The following SLC7A1 variants were observed in gnomAD, a reference collection of about 807,000 sequenced individuals.
SLC7A1 encodes solute carrier family 7 member 1.
In SLC7A1, 10 loss-of-function variants were observed where a neutral mutation model predicts 53.9. That is an observed-to-expected ratio of 0.19 (90% CI 0.11 to 0.31). The LOEUF is 0.31. Among genes scored for constraint, SLC7A1 ranks in the 10% least tolerant of loss-of-function variants. SLC7A1 has a pLI of 1.00. For synonymous variants in SLC7A1, 342 were observed against 338.7 expected, an observed-to-expected ratio of 1.01 and a Z score of -0.11; for missense variants, 525 against 827.2, an observed-to-expected ratio of 0.63 and a Z score of 4.48.
At chr13:29,567,433 G>A (rs2139161391) in intron 1 of SLC7A1, among the ~76,000 whole-genome samples, 1 of 152,278 alleles carries the variant, frequency 6.6e-6, no homozygotes, top group Admixed American at 6.5e-5. Context: ...TATTTCCTAA[G>A]GCCATCAGGG....
At chr13:29,585,960 G>A (rs1871861675) in intron 1 of SLC7A1, among the ~76,000 whole-genome samples, 1 of 152,194 alleles carries the variant, frequency 6.6e-6, no homozygotes, top group Admixed American at 6.5e-5. Flanking sequence ...GAAACCCTGG[G>A]CAAACCAGGC....
In SLC7A1 at chr13:29,536,069, G is replaced by A. The variant is rs201700894; in HGVS notation, c.120C>T (p.Leu40=). The A allele has an allele frequency of 1.2e-5, 19 of 1,613,926 alleles. No individual in the cohort carries two copies. In the African/African-American group the frequency reaches 1.3e-4, roughly 11 times the overall value. ...CAGCACCCAGTGTGCTGCCCACCCC[G>A]AGGGCCACCAGATCAAAAGTGTTCA... ...RCLNTFDLVA[L]GVGSTLGAGV... is the part of the protein sequence containing the mutation. The change falls in exon 3 of 13, where the codon CTC becomes CTT. Residue 40 remains leucine (L), a synonymous_variant. Transcript: ENST00000380752.
intron 12 of SLC7A1, among the ~76,000 whole-genome samples, chr13:29,514,869 G>A (rs961498602): frequency 5.3e-5 from 8 of 152,152 alleles, no homozygotes; most frequent in African/African-American, 1.7e-4. Flanking sequence ...GCCACCAGAG[G>A]CCATCGGGTC....
chr13:29,584,647 G>A (rs1489072751), intron 1 of SLC7A1, among the ~76,000 whole-genome samples: 1 of 151,900 alleles, frequency 6.6e-6, no homozygotes, highest in African/African-American at 2.4e-5. Context: ...CCTTTGTTAG[G>A]CAGAGTCAAT....
intron 5 of SLC7A1, among the ~76,000 whole-genome samples, chr13:29,525,120 C>T (rs561970797): frequency 8.5e-5 from 13 of 152,312 alleles, no homozygotes; most frequent in African/African-American, 2.9e-4. Flanking sequence ...CAGGCGGCTT[C>T]CCTGGCCACT....
intron 1 of SLC7A1, among the ~76,000 whole-genome samples, chr13:29,587,368 C>G (rs771492948): frequency 2.0e-5 from 3 of 152,208 alleles, no homozygotes; most frequent in Non-Finnish European, 4.4e-5. Context: ...TCACTACCTG[C>G]ACCAGTTTTA....
intron 1 of SLC7A1, among the ~76,000 whole-genome samples, chr13:29,567,002 C>T (rs145332844): frequency 6.6e-6 from 1 of 152,296 alleles, no homozygotes; most frequent in Non-Finnish European, 1.5e-5. Flanking sequence ...AAGAGGCTCT[C>T]CACTCTACTT....
rs774338208 is a variant in SLC7A1 at position 29,514,183 on chromosome 13, C to T, written c.*297G>A. 1.3e-5 allele frequency: 5 copies of T among 395,918 alleles called. No homozygotes were observed. Among genetic ancestry groups the T allele is most frequent in the Admixed American group, 3.9e-5 (1 of 25,388 alleles). The allele number at this position is 395,918 out of a possible 1,614,324, so 24.5% of individuals were successfully genotyped here. A position where few individuals can be genotyped will look rare whatever the true frequency, so the allele number is the denominator to read the frequency against. On this transcript the variant is annotated 3_prime_UTR_variant, in exon 13 of 13. Coordinates refer to ENST00000380752, the MANE Select transcript of SLC7A1 (RefSeq NM_003045.5). ...CGTTCTGCCTGAGGCTGCGGCAGCTCGGGGCTGAGCTGGTAGGGGAGGAAC... is the reference window on the plus strand; with the variant it reads ...CGTTCTGCCTGAGGCTGCGGCAGCTTGGGGCTGAGCTGGTAGGGGAGGAAC...
At chr13:29,560,848 G>A (rs567162607) in intron 1 of SLC7A1, among the ~76,000 whole-genome samples, 14 of 152,092 alleles carry the variant, frequency 9.2e-5, no homozygotes, top group East Asian at 1.9e-4. Flanking sequence ...GAGAAAATCC[G>A]GGCATAAAAT....
intron 1 of SLC7A1, among the ~76,000 whole-genome samples, chr13:29,588,521 TG>T (rs1296575558): frequency 6.6e-6 from 1 of 150,996 alleles, no homozygotes; most frequent in East Asian, 1.9e-4. Flanking sequence ...TTTTTTTTTT[TG>T]AGACAGTATC....
intron 1 of SLC7A1, among the ~76,000 whole-genome samples, chr13:29,588,181 C>T (rs564208049): frequency 2.3e-4 from 35 of 152,270 alleles, no homozygotes; most frequent in South Asian, 1.7e-3. Flanking sequence ...ATTATGTGGA[C>T]GACTGCAAGT....
intron 2 of SLC7A1, among the ~76,000 whole-genome samples, chr13:29,538,350 CTAGAGT>C (rs1233378486): frequency 1.3e-5 from 2 of 152,058 alleles, no homozygotes; most frequent in African/African-American, 4.8e-5. Context: ...AAATCAGAAC[CTAGAGT>C]TTGAGAAGAG....
chr13:29,539,658 C>A (rs907945888), intron 2 of SLC7A1, among the ~76,000 whole-genome samples: 4 of 152,168 alleles, frequency 2.6e-5, no homozygotes, highest in Non-Finnish European at 4.4e-5. Flanking sequence ...TGGCCTGTTT[C>A]CCCCACACCA....
chr13:29,589,036 G>A (rs1005275984), intron 1 of SLC7A1, among the ~76,000 whole-genome samples: 9 of 152,058 alleles, frequency 5.9e-5, no homozygotes, highest in Admixed American at 3.3e-4. Context: ...GAAAAGCTGC[G>A]GGCCAGGAAG....
chr13:29,551,419 A>G (rs1311000672), intron 2 of SLC7A1, among the ~76,000 whole-genome samples: 1 of 152,210 alleles, frequency 6.6e-6, no homozygotes, highest in East Asian at 1.9e-4. Flanking sequence ...ATTCTCTTCA[A>G]CAGGAAAAGA....
Position 29,524,263 on chromosome 13 carries a change from A to C in SLC7A1, c.705-10T>G, listed in dbSNP as rs1473710008. On this transcript the variant is annotated splice_polypyrimidine_tract_variant and intron_variant, in intron 5 of 12. Coordinates refer to ENST00000380752, the MANE Select transcript of SLC7A1 (RefSeq NM_003045.5). ...CCCTTCTTTTGTGTCACTAGAAAAA[A>C]GAGCCGCAAACAAATGTCACGTCAC... The C allele has an allele frequency of 6.2e-7, 1 of 1,613,950 alleles. No individual in the cohort carries two copies. The highest frequency in any genetic ancestry group is 8.5e-7 in the Non-Finnish European group (1 of 1,179,974).
At chr13:29,537,111 G>A (rs1471709078) in intron 2 of SLC7A1, among the ~76,000 whole-genome samples, 3 of 152,210 alleles carry the variant, frequency 2.0e-5, no homozygotes, top group East Asian at 1.9e-4. Context: ...CAAAAAGGGG[G>A]AGCTTTGCTC....
At chr13:29,546,874 C>G (rs1171775393) in intron 2 of SLC7A1, among the ~76,000 whole-genome samples, 1 of 152,186 alleles carries the variant, frequency 6.6e-6, no homozygotes, top group African/African-American at 2.4e-5. Flanking sequence ...AACACCAGCT[C>G]CACGCCACAC....
chr13:29,514,034 T>C lies in SLC7A1; in HGVS notation c.*446A>G, dbSNP rs534960884. On this transcript the variant is annotated 3_prime_UTR_variant, in exon 13 of 13. Transcript: ENST00000380752. ...GTTTTGTGGTACTCATCTGGCTTGA[T>C]TGCTGGGTGTCTGGGGCTGAGCGGG... The C allele has an allele frequency of 4.6e-5, 8 of 174,864 alleles. No homozygotes were observed. The highest frequency in any genetic ancestry group is 7.1e-5 in the African/African-American group (3 of 42,308). 10.8% of individuals were successfully genotyped at this position (174,864 alleles called of 1,614,324 possible).
Sources: allele counts gnomAD v4.1 joint callset (sites outside exome capture counted in the v4.1 genomes callset), GRCh38; gene constraint gnomAD v4.1.1; transcripts MANE v1.5; gene names NCBI Gene and HGNC (gene_info 2026-07-23, HGNC 2026-07-21).